Variants in VIPR2 observed in about 807,000 individuals in gnomAD.
VIPR2 encodes the protein vasoactive intestinal polypeptide receptor 2.
A neutral mutation model predicts 58.0 loss-of-function variants in VIPR2; 48 were observed. The ratio of observed to expected loss-of-function variants is 0.83; its 90% CI spans 0.66 to 1.05. The LOEUF is 1.05. Ranked by LOEUF, VIPR2 falls within the 50% of genes least tolerant of loss-of-function variation. The pLI, the probability that VIPR2 is intolerant of heterozygous loss-of-function variation, is 0.00. For synonymous variants in VIPR2, 243 were observed against 235.2 expected (o/e 1.03, Z -0.30); for missense variants, 534 against 558.0 (o/e 0.96, Z 0.43).
chr7:159,102,545 T>C (rs1858362555), intron 4 of VIPR2, among the ~76,000 whole-genome samples: 1 of 152,218 alleles, frequency 6.6e-6, no homozygotes, highest in Non-Finnish European at 1.5e-5. Flanking sequence ...ATACTTCCTT[T>C]CCTAGGGTTT....
chr7:159,036,603 C>T lies in VIPR2; in HGVS notation c.748+149G>A, dbSNP rs182080129. 6.7e-4 allele frequency: 691 copies of T among 1,028,748 alleles called. 6 individuals carry two copies. The African/African-American group carries it at 0.01, about 15-fold the overall frequency. The allele number at this position is 1,028,748 out of a possible 1,614,324, so 63.7% of individuals were successfully genotyped here. A position where few individuals can be genotyped will look rare whatever the true frequency, so the allele number is the denominator to read the frequency against. On this transcript the variant is annotated intron_variant, in intron 7 of 12. Transcript: ENST00000262178. ...ATATTAATGTGTTGTTTGTAGGAGC[C>T]TCCAGTCATCCTGGAAGAGCTCTTC...
chr7:159,123,312 A>AAAAG (rs1563347440), intron 2 of VIPR2, among the ~76,000 whole-genome samples: 1 of 146,998 alleles, frequency 6.8e-6, no homozygotes. Flanking sequence ...AAAAAAAAAA[A>AAAAG]AAAGAAAGAA....
chr7:159,051,604 C>A (rs1855011512), intron 5 of VIPR2, among the ~76,000 whole-genome samples: 1 of 152,138 alleles, frequency 6.6e-6, no homozygotes, highest in African/African-American at 2.4e-5. Flanking sequence ...AGATTGTAGA[C>A]AAAAAGCAAA....
intron 4 of VIPR2, among the ~76,000 whole-genome samples, chr7:159,079,443 C>T (rs1386048450): frequency 1.3e-5 from 2 of 151,988 alleles, no homozygotes; most frequent in African/African-American, 4.8e-5. Flanking sequence ...ACACAACATA[C>T]CAGAATCTCT....
In VIPR2 at chr7:159,110,111, A is replaced by G. The variant is rs559076008; in HGVS notation, c.152-192T>C. The stretch of plus-strand genomic sequence containing the variant: ...TTTGGAGGAATAACCATATGGTGGT[A>G]GAAAGCATTTGAGTACTTCAATGTA... On this transcript the variant is annotated intron_variant, in intron 2 of 12. Transcript: ENST00000262178. 5.3e-5 allele frequency among the ~76,000 whole-genome samples: 8 copies of G among 152,380 alleles called. No homozygotes were observed. The East Asian group carries it at 1.5e-3, about 29-fold the overall frequency.
rs1857814873 is a variant in VIPR2, at chr7:159,096,008, A to G, written c.357+7749T>C. Among the ~76,000 whole-genome samples the G allele has an allele frequency of 6.6e-6, 1 of 152,140 alleles. No homozygotes were observed. Among genetic ancestry groups the G allele is most frequent in the African/African-American group, 2.4e-5 (1 of 41,416 alleles). On this transcript the variant is annotated intron_variant, in intron 4 of 12. Transcript: ENST00000262178. This position sits in a 1 kb window ranked among gnomAD's most constrained non-coding sequence, Gnocchi z 5.5. ...CCGGGGGCTCCTGGCAACAAGCTGC[A>G]GGACGCACACCTTCTCAGAACCAGC...
intron 2 of VIPR2, among the ~76,000 whole-genome samples, chr7:159,139,153 A>G (rs187220983): frequency 4.6e-5 from 7 of 152,352 alleles, no homozygotes; most frequent in African/African-American, 1.4e-4. Flanking sequence ...TTTCTCTGAC[A>G]TAAGTCATCC....
intron 2 of VIPR2, among the ~76,000 whole-genome samples, chr7:159,123,017 G>A (rs188928705): frequency 3.9e-4 from 60 of 152,162 alleles, no homozygotes; most frequent in Non-Finnish European, 6.2e-4. Flanking sequence ...AGTGTCGGCC[G>A]GGCGCAGTAG....
rs914174642 is a variant in VIPR2 at position 159,030,855 on chromosome 7, C to A, written c.1144-66G>T. 12 of 1,408,866 alleles carry A rather than the reference C, an allele frequency of 8.5e-6. No individual in the cohort carries two copies. In the African/African-American group the frequency reaches 8.9e-5, roughly 10 times the overall value. The allele number at this position is 1,408,866 out of a possible 1,614,324, so 87.3% of individuals were successfully genotyped here. A position where few individuals can be genotyped will look rare whatever the true frequency, so the allele number is the denominator to read the frequency against. On this transcript the variant is annotated intron_variant, in intron 12 of 12. Coordinates refer to ENST00000262178, the MANE Select transcript of VIPR2 (RefSeq NM_003382.5). ...AGGTGCGGGCGGCTGCTATGGGAAG[C>A]GCGGCCCGCGAGCCTCCAGCTCTCC...
At chr7:159,082,944 AATGAGGCTAACCAT>A (rs1454111029) in intron 4 of VIPR2, among the ~76,000 whole-genome samples, 1 of 152,214 alleles carries the variant, frequency 6.6e-6, no homozygotes, top group East Asian at 1.9e-4. Context: ...ATTACATGCA[AATGAGGCTAACCAT>A]CATCCTCATG....
At chr7:159,123,288 T>TAAAAAAAA (rs370294230) in intron 2 of VIPR2, among the ~76,000 whole-genome samples, 8 of 72,884 alleles carry the variant, frequency 1.1e-4, no homozygotes, top group South Asian at 8.5e-4. Context: ...CAAGACTCTG[T>TAAAAAAAA]AAAAAAAAAA....
chr7:159,132,955 C>CAGAATGATTGGCATACCGATTGATTTT (rs1797026252), intron 2 of VIPR2, among the ~76,000 whole-genome samples: 8 of 26,416 alleles, frequency 3.0e-4, no homozygotes, highest in Non-Finnish European at 4.8e-4. Flanking sequence ...AGATTGATTT[C>CAGAATGATTGGCATACCGATTGATTTT]AGACAGAATG....
chr7:159,126,028 A>G (rs1288371156), intron 2 of VIPR2, among the ~76,000 whole-genome samples: 1 of 152,222 alleles, frequency 6.6e-6, no homozygotes, highest in Non-Finnish European at 1.5e-5. Flanking sequence ...GAAACAATGC[A>G]GGAAGCTGGA....
At chr7:159,049,317 G>T (rs1854841193) in intron 5 of VIPR2, among the ~76,000 whole-genome samples, 1 of 152,362 alleles carries the variant, frequency 6.6e-6, no homozygotes, top group East Asian at 1.9e-4. Flanking sequence ...CCTCAGGAAA[G>T]GATCAGGGTG....
chr7:159,043,659 G>A (rs976125652), intron 5 of VIPR2, among the ~76,000 whole-genome samples: 1 of 152,150 alleles, frequency 6.6e-6, no homozygotes, highest in Admixed American at 6.5e-5. Flanking sequence ...ACCCCAACAT[G>A]GTGGTCATTT....
chr7:159,103,612 T>C, intron 4 of VIPR2, 145 bp downstream of exon 4: 1 of 658,086 alleles, frequency 1.5e-6, no homozygotes, highest in South Asian at 1.9e-5. Flanking sequence ...GGGACTTCGC[T>C]TAACTTGGAA....
intron 4 of VIPR2, among the ~76,000 whole-genome samples, chr7:159,092,147 G>A (rs1245765777): frequency 2.6e-5 from 4 of 152,240 alleles, no homozygotes; most frequent in Non-Finnish European, 4.4e-5. Context: ...TGACGTGAGG[G>A]CTTCCCACCT....
chr7:159,074,956 G>C (rs1036518950), intron 4 of VIPR2, among the ~76,000 whole-genome samples: 1 of 152,202 alleles, frequency 6.6e-6, no homozygotes, highest in Admixed American at 6.5e-5. Flanking sequence ...CAGGTAACTT[G>C]GAACAGGAGT....
intron 3 of VIPR2, among the ~76,000 whole-genome samples, chr7:159,106,251 C>T (rs1447757562): frequency 6.6e-6 from 1 of 152,274 alleles, no homozygotes; most frequent in Non-Finnish European, 1.5e-5. Flanking sequence ...TAAAACTCCA[C>T]AAACTAAGTC....
Sources: gnomAD v4.1 joint callset for allele counts (sites outside exome capture counted in the v4.1 genomes callset) on GRCh38, gnomAD v4.1.1 for gene constraint, Gnocchi (gnomAD v3.1) non-coding constraint, MANE v1.5 for transcripts, NCBI Gene and HGNC (gene_info 2026-07-23, HGNC 2026-07-21) for gene names.